Variants in STX8 observed in about 807,000 individuals in gnomAD.
STX8 encodes syntaxin 8, also known as syntaxin-8.
In STX8, 23 loss-of-function variants were observed where a neutral mutation model predicts 37.5. The ratio of observed to expected loss-of-function variants is 0.61; its 90% CI spans 0.44 to 0.87. The LOEUF (loss-of-function observed/expected upper bound fraction) is 0.87, where lower values mean the gene tolerates loss of function less well. Among genes scored for constraint, STX8 ranks in the 40% least tolerant of loss-of-function variants. STX8 has a pLI of 0.00. For synonymous variants in STX8, 115 were observed against 99.1 expected (o/e 1.16, Z -0.95); for missense variants, 313 against 284.7 (o/e 1.10, Z -0.71).
At chr17:9,354,438 C>T (rs1244707615) in intron 7 of STX8, among the ~76,000 whole-genome samples, 4 of 150,860 alleles carry the variant, frequency 2.7e-5, no homozygotes. Flanking sequence ...TCTCCTGCCT[C>T]GGCTTCCCGA....
At chr17:9,384,143 A>G (rs1326618201) in intron 6 of STX8, among the ~76,000 whole-genome samples, 1 of 145,040 alleles carries the variant, frequency 6.9e-6, no homozygotes. Flanking sequence ...TTTTTTTCAT[A>G]TATTGGTTGC....
intron 4 of STX8, among the ~76,000 whole-genome samples, chr17:9,523,357 TTA>T (rs1296934968): frequency 2.7e-5 from 4 of 146,804 alleles, no homozygotes; most frequent in East Asian, 2.0e-4. Flanking sequence ...ATATGTACAC[TTA>T]TATGTCAATT....
rs141400691 is a variant in STX8, at chr17:9,330,976, G to T, written c.643+47576C>A. On this transcript the variant is annotated intron_variant, in intron 7 of 7. Coordinates refer to ENST00000306357, the MANE Select transcript of STX8 (RefSeq NM_004853.3). ...TTTTTTCTCTTTTTAAATATAGAAA[G>T]CCAGGCCTCCGGCGCCAACTCTTCA... 6.6e-3 allele frequency among the ~76,000 whole-genome samples: 1,002 copies of T among 152,290 alleles called. 6 individuals carry two copies. The highest frequency in any genetic ancestry group is 0.031 in the Middle Eastern group (9 of 294).
In STX8 at chr17:9,522,476, T is replaced by C. The variant is rs913341197; in HGVS notation, c.324-17314A>G. Among the ~76,000 whole-genome samples, 3 of 143,352 alleles carry C rather than the reference T, an allele frequency of 2.1e-5. No homozygotes were observed. The South Asian group carries it at 6.5e-4, about 31-fold the overall frequency. 94.0% of individuals were successfully genotyped at this position (143,352 alleles called of 152,430 possible). A position where few individuals can be genotyped will look rare whatever the true frequency, so the allele number is the denominator to read the frequency against. On this transcript the variant is annotated intron_variant, in intron 4 of 7. Coordinates refer to ENST00000306357, the MANE Select transcript of STX8 (RefSeq NM_004853.3). ...ACTTTGGGAGGCTGAGGCAGGTGGA[T>C]CACGAGGTCAGGAGATAGAGACCAT...
chr17:9,394,185 A>C (rs1912320466), intron 6 of STX8, among the ~76,000 whole-genome samples: 1 of 152,124 alleles, frequency 6.6e-6, no homozygotes, highest in African/African-American at 2.4e-5. Context: ...GGAATTTGCC[A>C]TGTCTACTGG....
At chr17:9,323,026 C>T (rs967327005) in intron 7 of STX8, among the ~76,000 whole-genome samples, 2 of 151,772 alleles carry the variant, frequency 1.3e-5, no homozygotes, top group African/African-American at 4.8e-5. Context: ...CACTGTAGTT[C>T]CTTAAGATTG....
In STX8 at chr17:9,271,748, CAAAAA is replaced by C. The variant is rs71135959; in HGVS notation, c.644-21108_644-21104del. On this transcript the variant is annotated intron_variant, in intron 7 of 7. Coordinates refer to ENST00000306357, the MANE Select transcript of STX8 (RefSeq NM_004853.3). Reference sequence around the variant, plus strand: ...CTGGCTATAGAGCAAGACTCCATCTCAAAAAAAAAAAAAAAAAAAAGAAAGAAAGA... The same window carrying C: ...CTGGCTATAGAGCAAGACTCCATCTCAAAAAAAAAAAAAAAGAAAGAAAGA... Among the ~76,000 whole-genome samples, 5 of 63,502 alleles carry C rather than the reference CAAAAA, an allele frequency of 7.9e-5. No homozygotes were observed. In the East Asian group the frequency reaches 2.3e-3, roughly 30 times the overall value. The allele number at this position is 63,502 out of a possible 152,430, so 41.7% of individuals were successfully genotyped here. A position where few individuals can be genotyped will look rare whatever the true frequency, so the allele number is the denominator to read the frequency against.
intron 7 of STX8, among the ~76,000 whole-genome samples, chr17:9,340,614 G>T (rs1910315757): frequency 1.4e-5 from 2 of 141,930 alleles, no homozygotes; most frequent in South Asian, 2.3e-4. Flanking sequence ...TTTTTCCAGT[G>T]AATATATTGC....
At chr17:9,423,332 G>C (rs948029931) in intron 6 of STX8, among the ~76,000 whole-genome samples, 10 of 152,076 alleles carry the variant, frequency 6.6e-5, no homozygotes, top group African/African-American at 2.2e-4. Context: ...TTTTGTTGTC[G>C]TTGTTTTTTG....
At chr17:9,267,781 G>A (rs533738294) in intron 7 of STX8, among the ~76,000 whole-genome samples, 14 of 152,264 alleles carry the variant, frequency 9.2e-5, no homozygotes, top group African/African-American at 3.1e-4. Flanking sequence ...CTGAGGTCAG[G>A]AGTTCAAGAC....
At chr17:9,462,498 G>A (rs546682196) in intron 6 of STX8, among the ~76,000 whole-genome samples, 3 of 152,160 alleles carry the variant, frequency 2.0e-5, no homozygotes, top group Admixed American at 6.5e-5. Context: ...GAGGTGGGAG[G>A]ATCACTTGAA....
At chr17:9,456,236 AG>A (rs1164681838) in intron 6 of STX8, among the ~76,000 whole-genome samples, 1 of 152,142 alleles carries the variant, frequency 6.6e-6, no homozygotes, top group Non-Finnish European at 1.5e-5. Flanking sequence ...GAGGAGAGGG[AG>A]GAAGTGAGGC....
At chr17:9,352,625 G>C (rs941501568) in intron 7 of STX8, among the ~76,000 whole-genome samples, 1 of 150,280 alleles carries the variant, frequency 6.7e-6, no homozygotes, top group South Asian at 2.1e-4. Flanking sequence ...TCAGCCTCCC[G>C]AGTAGCTGGG....
intron 7 of STX8, among the ~76,000 whole-genome samples, chr17:9,334,490 AG>A (rs1910076089): frequency 6.6e-6 from 1 of 152,178 alleles, no homozygotes; most frequent in Non-Finnish European, 1.5e-5. Flanking sequence ...TGGAGGTTAG[AG>A]GCAAGATGGA....
chr17:9,408,780 A>G (rs1280714926), intron 6 of STX8, among the ~76,000 whole-genome samples: 3 of 152,234 alleles, frequency 2.0e-5, no homozygotes, highest in Non-Finnish European at 4.4e-5. Context: ...CATGTAACAA[A>G]AACGGAAGCC....
At chr17:9,329,049 T>TG in intron 7 of STX8, among the ~76,000 whole-genome samples, 1 of 14,110 alleles carries the variant, frequency 7.1e-5, no homozygotes, top group Non-Finnish European at 1.5e-4. Context: ...AGATTCCATC[T>TG]CAAAAAAAAA....
At chr17:9,481,296 G>A (rs79385075) in intron 6 of STX8, among the ~76,000 whole-genome samples, 346 of 152,326 alleles carry the variant, frequency 2.3e-3, no homozygotes, top group Admixed American at 4.3e-3. Context: ...GGCTGTGGAT[G>A]AGCGTGTCTT....
intron 4 of STX8, among the ~76,000 whole-genome samples, chr17:9,523,530 C>G (rs558608953): frequency 3.9e-5 from 6 of 152,260 alleles, no homozygotes; most frequent in Admixed American, 1.3e-4. Flanking sequence ...CCATCTTCTT[C>G]CAGTTGGTTC....
chr17:9,378,752 G>T, intron 6 of STX8, 99 bp from the exon 7 acceptor site: 1 of 881,998 alleles, frequency 1.1e-6, no homozygotes, highest in Non-Finnish European at 1.9e-6. Context: ...ATGATCTCGA[G>T]TGCAGTAACT....
Sources: gnomAD v4.1 joint callset for allele counts (sites outside exome capture counted in the v4.1 genomes callset) on GRCh38, gnomAD v4.1.1 for gene constraint, MANE v1.5 for transcripts, NCBI Gene and HGNC (gene_info 2026-07-23, HGNC 2026-07-21) for gene names.